Variants in LRRC4B observed in about 807,000 individuals in gnomAD.
The protein encoded by LRRC4B is leucine-rich repeat-containing protein 4B.
In LRRC4B, 1 loss-of-function variant was observed where a neutral mutation model predicts 7.3. That is an observed-to-expected ratio of 0.14 (90% CI 0.05 to 0.65). The LOEUF (loss-of-function observed/expected upper bound fraction) is 0.65, where lower values mean the gene tolerates loss of function less well. LRRC4B is among the 30% of genes least tolerant of loss of function. The probability of loss-of-function intolerance (pLI) is 0.84; values close to 1 mark genes in which losing one functional copy is unlikely to be tolerated. For missense variants in LRRC4B, 730 were observed against 1,041.6 expected, an observed-to-expected ratio of 0.70 and a Z score of 4.12; for synonymous variants, 500 against 499.2, an observed-to-expected ratio of 1.00 and a Z score of -0.02.
Position 50,519,125 on chromosome 19 carries a change from T to C in LRRC4B, c.588A>G (p.Glu196=), listed in dbSNP as rs761003841. The C allele has an allele frequency of 1.2e-6, 2 of 1,612,000 alleles. No homozygotes were observed. The highest frequency in any genetic ancestry group is 1.7e-6 in the Non-Finnish European group (2 of 1,179,946). ...CCTCGAAGGCCGCCTCCGAGATGTATTCCAGCCGCTTGAGCTCGCCCAGGT... is the reference window on the plus strand; with the variant it reads ...CCTCGAAGGCCGCCTCCGAGATGTACTCCAGCCGCTTGAGCTCGCCCAGGT... ...RLDLGELKRL[E]YISEAAFEGL... Residue 196 remains glutamate, a synonymous_variant, in exon 3 of 3, where the codon GAA becomes GAG. Transcript: ENST00000652263. This position sits in a 1 kb window ranked among gnomAD's most constrained non-coding sequence, Gnocchi z 8.1.
At chr19:50,535,384 C>G (rs1981237673) in intron 2 of LRRC4B, among the ~76,000 whole-genome samples, 1 of 151,762 alleles carries the variant, frequency 6.6e-6, no homozygotes, top group African/African-American at 2.4e-5. Context: ...GTTGGCCGGG[C>G]TGGTCTCCAA....
intron 1 of LRRC4B, among the ~76,000 whole-genome samples, chr19:50,552,938 G>A (rs1479011571): frequency 1.3e-5 from 2 of 152,224 alleles, no homozygotes; most frequent in East Asian, 1.9e-4. Flanking sequence ...TTTGAGTCCT[G>A]ACTCTGCTGC....
At position 50,544,975 on chromosome 19, in the gene LRRC4B, G is replaced by T. The variant is rs187684676; in HGVS notation, c.297+3567C>A. On this transcript the variant is annotated intron_variant, in intron 2 of 2. Coordinates refer to ENST00000652263, the MANE Select transcript of LRRC4B (RefSeq NM_001080457.2). ...AAAATACAAAAAATTAGCCGGACGT[G>T]GTGGGTGGCGCCTGTAATCCCAGCT... is the stretch of plus-strand genomic sequence containing the variant. Among the ~76,000 whole-genome samples, 1,435 of 152,122 alleles carry T rather than the reference G, an allele frequency of 9.4e-3. 17 individuals carry two copies. Among genetic ancestry groups the T allele is most frequent in the Non-Finnish European group, 0.014 (976 of 67,990 alleles).
At chr19:50,520,368 G>A (rs1056318587) in intron 2 of LRRC4B, among the ~76,000 whole-genome samples, 1 of 151,896 alleles carries the variant, frequency 6.6e-6, no homozygotes, top group Non-Finnish European at 1.5e-5. Context: ...GGTGGCTAAT[G>A]CCTGTAATGC....
intron 2 of LRRC4B, among the ~76,000 whole-genome samples, chr19:50,539,159 T>A (rs1357019586): frequency 2.0e-5 from 3 of 152,218 alleles, no homozygotes; most frequent in Non-Finnish European, 2.9e-5. Flanking sequence ...ATTACAGGCG[T>A]GAGCCACCGT....
intron 2 of LRRC4B, among the ~76,000 whole-genome samples, chr19:50,520,053 T>C (rs1160848255): frequency 6.7e-6 from 1 of 148,666 alleles, no homozygotes; most frequent in African/African-American, 2.5e-5. Context: ...TAAAATAAAA[T>C]AAATTAGCCA....
At chr19:50,528,485 C>G (rs532211243) in intron 2 of LRRC4B, among the ~76,000 whole-genome samples, 2 of 152,152 alleles carry the variant, frequency 1.3e-5, no homozygotes, top group Non-Finnish European at 2.9e-5. Flanking sequence ...GCTGGGATTA[C>G]AGGTGTGCAC....
In LRRC4B at chr19:50,519,346, G is replaced by A; in HGVS notation, c.367C>T (p.Arg123Cys). The change falls in exon 3 of 3, where the codon CGC becomes TGC. Residue 123 changes from arginine (R) to cysteine (C), a missense_variant. By Grantham distance (180) the Arg-to-Cys change is radical. Around this residue, in one of 6 missense-constraint regions of LRRC4B, gnomAD observed 226 missense variants for 448.0 expected, o/e 0.50. Transcript: ENST00000652263. The surrounding 1 kb of genome is among the most constrained non-coding windows in gnomAD (Gnocchi z 8.1). ...EILQLSKNLVRKIEVGAFNGL... is the reference protein window; with the variant it reads ...EILQLSKNLVCKIEVGAFNGL... The stretch of plus-strand genomic sequence containing the variant: ...TTGAAGGCGCCCACCTCGATCTTGC[G>A]CACCAGGTTCTTGCTCAGCTGCAGA... 1.2e-6 allele frequency: 2 copies of A among 1,611,892 alleles called. No homozygotes were observed. Among genetic ancestry groups the A allele is most frequent in the Non-Finnish European group, 8.5e-7 (1 of 1,179,936 alleles).
At chr19:50,520,203 C>CAAAAAAAAAAAAAAAAAAAAAAAAAAAA in intron 2 of LRRC4B, among the ~76,000 whole-genome samples, 3 of 9,378 alleles carry the variant, frequency 3.2e-4, no homozygotes, top group African/African-American at 4.6e-4. Flanking sequence ...AATACCCTGT[C>CAAAAAAAAAAAAAAAAAAAAAAAAAAAA]AAAAAAAAAA....
intron 1 of LRRC4B, among the ~76,000 whole-genome samples, chr19:50,549,112 G>A (rs894082121): frequency 6.6e-6 from 1 of 152,198 alleles, no homozygotes; most frequent in Admixed American, 6.5e-5. Flanking sequence ...AAGATTCTAC[G>A]CCCATTCTGC....
intron 1 of LRRC4B, among the ~76,000 whole-genome samples, chr19:50,551,672 A>C (rs1599781973): frequency 8.5e-6 from 1 of 118,218 alleles, no homozygotes; most frequent in African/African-American, 3.3e-5. Flanking sequence ...CTTCTCCTCC[A>C]TCTATTCCTC....
At position 50,518,429 on chromosome 19, in the gene LRRC4B, C is replaced by T. The variant is rs757271524; in HGVS notation, c.1284G>A (p.Val428=). The T allele has an allele frequency of 3.9e-6, 6 of 1,557,082 alleles. No individual in the cohort carries two copies. In the East Asian group the frequency reaches 1.1e-4, roughly 29 times the overall value. The part of the protein sequence containing the change: ...DGTLNFTNVT[V]QDTGQYTCMV... ...TGCACGTGTACTGGCCCGTGTCCTG[C>T]ACGGTGACGTTGGTGAAGTTAAGCG... Residue 428 remains valine, a synonymous_variant, in exon 3 of 3, where the codon GTG becomes GTA. Coordinates refer to ENST00000652263, the MANE Select transcript of LRRC4B (RefSeq NM_001080457.2).
chr19:50,554,138 C>T (rs1052495058), intron 1 of LRRC4B, among the ~76,000 whole-genome samples: 8 of 151,890 alleles, frequency 5.3e-5, no homozygotes, highest in South Asian at 2.1e-4. Flanking sequence ...AGACTACAGG[C>T]GCTCACCACC....
At chr19:50,534,380 A>C (rs973714590) in intron 2 of LRRC4B, among the ~76,000 whole-genome samples, 1 of 152,154 alleles carries the variant, frequency 6.6e-6, no homozygotes, top group African/African-American at 2.4e-5. Context: ...CAAGGTGGGG[A>C]TTGGTTCTTG....
chr19:50,532,003 G>A (rs1030130603), intron 2 of LRRC4B, among the ~76,000 whole-genome samples: 1 of 152,126 alleles, frequency 6.6e-6, no homozygotes, highest in African/African-American at 2.4e-5. Flanking sequence ...CGGGAGGATT[G>A]CTTGAGCTCA....
intron 2 of LRRC4B, among the ~76,000 whole-genome samples, chr19:50,530,940 G>GGGC (rs1361519972): frequency 1.4e-5 from 2 of 140,496 alleles, no homozygotes; most frequent in African/African-American, 2.6e-5. Flanking sequence ...GGGGGGGGGG[G>GGGC]TCTCTCTATG....
chr19:50,554,288 C>T (rs1982199001), intron 1 of LRRC4B, among the ~76,000 whole-genome samples: 1 of 152,080 alleles, frequency 6.6e-6, no homozygotes, highest in African/African-American at 2.4e-5. Flanking sequence ...GGCCACCGTA[C>T]CTGGCCGAGG....
At chr19:50,526,212 C>T (rs989986586) in intron 2 of LRRC4B, among the ~76,000 whole-genome samples, 5 of 152,052 alleles carry the variant, frequency 3.3e-5, no homozygotes, top group African/African-American at 4.8e-5. Context: ...GCAGCTCATC[C>T]GCCTGGCACC....
chr19:50,519,173 G>C lies in LRRC4B; in HGVS notation c.540C>G (p.Arg180=). 3 of 1,613,770 alleles carry C rather than the reference G, an allele frequency of 1.9e-6. No homozygotes were observed. The highest frequency in any genetic ancestry group is 2.5e-6 in the Non-Finnish European group (3 of 1,179,998). ...IESIPSYAFN[R]VPSLRRLDLG... Reference sequence around the variant, plus strand: ...GGTCCAGGCGCCGCAGCGAGGGCACGCGGTTGAAGGCGTAGGAGGGGATGC... The same window carrying C: ...GGTCCAGGCGCCGCAGCGAGGGCACCCGGTTGAAGGCGTAGGAGGGGATGC... Residue 180 remains arginine (R), a synonymous_variant, in exon 3 of 3, where the codon CGC becomes CGG. Transcript: ENST00000652263. The surrounding 1 kb of genome is among the most constrained non-coding windows in gnomAD (Gnocchi z 8.1).
Sources: allele counts gnomAD v4.1 joint callset (sites outside exome capture counted in the v4.1 genomes callset), GRCh38; gene constraint gnomAD v4.1.1; regional missense constraint gnomAD v4.1.1; non-coding constraint Gnocchi (gnomAD v3.1); transcripts MANE v1.5; gene names NCBI Gene and HGNC (gene_info 2026-07-23, HGNC 2026-07-21).